CSPP1: variants seen among roughly 807,000 people sequenced by gnomAD.
CSPP1 encodes centrosome and spindle pole-associated protein 1.
In CSPP1, 126 loss-of-function variants were observed where a neutral mutation model predicts 164.4. That is an observed-to-expected ratio of 0.77 (90% CI 0.66 to 0.89). CSPP1 has a LOEUF of 0.89. Among genes scored for constraint, CSPP1 ranks in the 40% least tolerant of loss-of-function variants. The probability of loss-of-function intolerance (pLI) is 0.00; values close to 1 mark genes in which losing one functional copy is unlikely to be tolerated. For missense variants in CSPP1, 1,395 were observed against 1,449.8 expected, an observed-to-expected ratio of 0.96 and a Z score of 0.61; for synonymous variants, 472 against 476.7, an observed-to-expected ratio of 0.99 and a Z score of 0.13.
At chr8:67,115,664 C>T (rs930297045) in intron 12 of CSPP1, among the ~76,000 whole-genome samples, 7 of 151,916 alleles carry the variant, frequency 4.6e-5, no homozygotes, top group African/African-American at 9.7e-5. Flanking sequence ...CAGTGAGACT[C>T]TGCCTCAAAA....
intron 3 of CSPP1, chr8:67,084,147 C>G (rs1433576341): frequency 2.0e-5 from 3 of 152,108 alleles, no homozygotes; most frequent in African/African-American, 7.2e-5. Context: ...GGTTTAGATT[C>G]CTTCAAAAGG....
chr8:67,179,867 G>T lies in CSPP1; in HGVS notation c.3161G>T (p.Arg1054Ile), dbSNP rs1037426738. 5.0e-6 allele frequency: 8 copies of T among 1,593,222 alleles called. No individual in the cohort carries two copies. Among genetic ancestry groups the T allele is most frequent in the Non-Finnish European group, 6.9e-6 (8 of 1,162,438 alleles). ...ATTGAAACATGTTTCTTTTAGCCCA[G>T]AGATGACACTAGTGATTTCTTGAAA... ...SAKVREQRMP[R>I]DDTSDFLKNS... The change falls in exon 28 of 31, where the codon AGA becomes ATA. Residue 1054 changes from arginine (R) to isoleucine (I), a missense_variant. Arg to Ile is a moderately conservative substitution (Grantham distance 97, BLOSUM62 -3). Coordinates refer to ENST00000678616, the MANE Select transcript of CSPP1 (RefSeq NM_001382391.1).
chr8:67,147,855 C>T (rs1824912470), intron 17 of CSPP1, among the ~76,000 whole-genome samples: 1 of 152,096 alleles, frequency 6.6e-6, no homozygotes, highest in Non-Finnish European at 1.5e-5. Flanking sequence ...TCTTTTACTC[C>T]TGTGTTACTC....
At chr8:67,160,031 C>CTTTTTTCTTTTCT (rs555181016) in intron 21 of CSPP1, among the ~76,000 whole-genome samples, 2 of 53,976 alleles carry the variant, frequency 3.7e-5, no homozygotes, top group African/African-American at 2.2e-4. Context: ...CTTTTCTTTT[C>CTTTTTTCTTTTCT]TTTTTCTTTT....
At chr8:67,161,739 G>A in intron 21 of CSPP1, 72 bp from the exon 22 acceptor site, 1 of 617,704 alleles carries the variant, frequency 1.6e-6, no homozygotes, top group Non-Finnish European at 2.8e-6. Context: ...ACTATAAGGG[G>A]TGTGTGTGTG....
chr8:67,171,175 C>G (rs1397657388), intron 24 of CSPP1, among the ~76,000 whole-genome samples: 4 of 150,074 alleles, frequency 2.7e-5, no homozygotes, highest in African/African-American at 9.8e-5. Flanking sequence ...CCGAGGTGAG[C>G]AGATCACGAG....
chr8:67,080,311 A>C (rs1808878145), intron 3 of CSPP1, among the ~76,000 whole-genome samples: 2 of 152,338 alleles, frequency 1.3e-5, no homozygotes, highest in East Asian at 3.9e-4. Context: ...AACTGGACAT[A>C]CTCATTTTAT....
At chr8:67,085,886 C>G in intron 3 of CSPP1, 121 bp from the exon 4 acceptor site, 4 of 617,702 alleles carry the variant, frequency 6.5e-6, no homozygotes, top group Middle Eastern at 4.3e-4. Flanking sequence ...AAAAAACTTA[C>G]CCTAATCCTA....
intron 1 of CSPP1, among the ~76,000 whole-genome samples, chr8:67,068,681 G>A (rs1193156950): frequency 6.6e-6 from 1 of 152,176 alleles, no homozygotes; most frequent in East Asian, 1.9e-4. Context: ...AAGAAAAGTG[G>A]CCGTGATATC....
At chr8:67,165,197 T>C (rs950614367) in intron 24 of CSPP1, among the ~76,000 whole-genome samples, 2 of 152,008 alleles carry the variant, frequency 1.3e-5, no homozygotes, top group Non-Finnish European at 2.9e-5. Flanking sequence ...GGCAGGAGAA[T>C]GGCGTGAACC....
intron 28 of CSPP1, among the ~76,000 whole-genome samples, chr8:67,188,320 C>T (rs1028995841): frequency 4.6e-5 from 7 of 152,218 alleles, no homozygotes; most frequent in Admixed American, 4.6e-4. Flanking sequence ...ACTAAGAATT[C>T]CTAAGCCTAG....
Position 67,095,552 on chromosome 8 carries a change from G to A in CSPP1, c.743G>A (p.Arg248Lys). The change falls in exon 7 of 31, where the codon AGG becomes AAG. Residue 248 changes from arginine to lysine, a missense_variant. By Grantham distance (26) the Arg-to-Lys change is conservative. Transcript: ENST00000678616. The stretch of plus-strand genomic sequence containing the variant: ...GGCATTTCCAACCTAAAACATCAAA[G>A]GTTTGCAAGCAAGGCTGGCATTCCA... ...EVGISNLKHQ[R>K]FASKAGIPDR... is the part of the protein sequence containing the mutation. 6.2e-7 allele frequency: 1 copy of A among 1,613,768 alleles called. No homozygotes were observed. The highest frequency in any genetic ancestry group is 8.5e-7 in the Non-Finnish European group (1 of 1,179,962).
rs112397801 is a variant in CSPP1, at chr8:67,132,896, G to A, written c.1827+816G>A. Among the ~76,000 whole-genome samples, 179 of 152,238 alleles carry A rather than the reference G, an allele frequency of 1.2e-3. 2 individuals carry two copies. The highest frequency in any genetic ancestry group is 4.4e-3 in the Admixed American group (67 of 15,288). On this transcript the variant is annotated intron_variant, in intron 16 of 30. Transcript: ENST00000678616. ...TTCCCTTACCATCTGAGAGGACCCT[G>A]GGACTCTAACTTACTTACTTTTCTA...
intron 1 of CSPP1, among the ~76,000 whole-genome samples, chr8:67,071,218 C>T (rs1806711987): frequency 6.6e-6 from 1 of 152,116 alleles, no homozygotes; most frequent in Non-Finnish European, 1.5e-5. Flanking sequence ...TTGTCCCAAA[C>T]ATTAAGTTCA....
intron 26 of CSPP1, among the ~76,000 whole-genome samples, chr8:67,176,873 C>T (rs1831781854): frequency 6.6e-6 from 1 of 151,936 alleles, no homozygotes; most frequent in Admixed American, 6.6e-5. Context: ...AGTTCAAGAC[C>T]AGTCTGGCCA....
chr8:67,170,887 C>T (rs931369894), intron 24 of CSPP1, among the ~76,000 whole-genome samples: 5 of 151,736 alleles, frequency 3.3e-5, no homozygotes, highest in African/African-American at 7.3e-5. Flanking sequence ...CCTTGGTTCA[C>T]GCCGTTCTCC....
intron 4 of CSPP1, among the ~76,000 whole-genome samples, chr8:67,090,153 G>C (rs915707230): frequency 8.5e-5 from 13 of 152,098 alleles, no homozygotes; most frequent in Admixed American, 7.2e-4. Context: ...CAGTATATAG[G>C]AGGTAAAATC....
chr8:67,191,013 T>TC (rs1320954991), intron 29 of CSPP1, among the ~76,000 whole-genome samples: 3 of 152,302 alleles, frequency 2.0e-5, no homozygotes, highest in Admixed American at 6.5e-5. Context: ...CAACCTTCCT[T>TC]CTTCTCCTGC....
At chr8:67,162,797 G>A (rs1828623520) in intron 22 of CSPP1, among the ~76,000 whole-genome samples, 1 of 152,142 alleles carries the variant, frequency 6.6e-6, no homozygotes, top group South Asian at 2.1e-4. Context: ...AAGAGACATA[G>A]TAGTACTATT....
Sources: allele counts gnomAD v4.1 joint callset (sites outside exome capture counted in the v4.1 genomes callset), GRCh38; gene constraint gnomAD v4.1.1; transcripts MANE v1.5; gene names NCBI Gene and HGNC (gene_info 2026-07-23, HGNC 2026-07-21).